Variants in ABHD2 observed in about 807,000 individuals in gnomAD.
ABHD2 encodes the protein abhydrolase domain containing 2, acylglycerol lipase.
ABHD2 carries 20 observed loss-of-function variants against 48.1 expected under a neutral mutation model. The ratio of observed to expected loss-of-function variants is 0.42; its 90% confidence interval spans 0.29 to 0.60. The LOEUF is 0.60. Among genes scored for constraint, ABHD2 ranks in the 20% least tolerant of loss-of-function variants. The pLI is 0.24. For synonymous variants in ABHD2, 209 were observed against 214.2 expected (o/e 0.98, Z 0.21); for missense variants, 405 against 550.9 (o/e 0.74, Z 2.65).
chr15:89,159,080 A>G, intron 5 of ABHD2, among the ~76,000 whole-genome samples: 1 of 152,088 alleles, frequency 6.6e-6, no homozygotes. Context: ...GTGTCGTTAA[A>G]GAATTACAAT....
chr15:89,052,552 CAG>C, the ABHD2 span, among the ~76,000 whole-genome samples: 320 of 132,898 alleles, frequency 2.4e-3, 2 homozygotes, highest in African/African-American at 7.0e-3. Flanking sequence ...GACAGACAGA[CAG>C]ACAGACACAC....
chr15:89,144,109 G>A (rs2050452686), intron 3 of ABHD2, among the ~76,000 whole-genome samples: 1 of 152,098 alleles, frequency 6.6e-6, no homozygotes, highest in South Asian at 2.1e-4. Context: ...ATTCACAATA[G>A]CCAAAAATTG....
chr15:89,144,307 AT>A (rs1486817641), intron 3 of ABHD2, among the ~76,000 whole-genome samples: 1 of 151,974 alleles, frequency 6.6e-6, no homozygotes, highest in Non-Finnish European at 1.5e-5. Flanking sequence ...CTAATTTTGT[AT>A]TTTTAGTAGG....
rs1396633340 is a variant in ABHD2, at chr15:89,100,980, G to A, written c.-107+12417G>A. Among the ~76,000 whole-genome samples, 2 of 152,180 alleles carry A rather than the reference G, an allele frequency of 1.3e-5. No homozygotes were observed. The highest frequency in any genetic ancestry group is 4.8e-5 in the African/African-American group (2 of 41,448). On this transcript the variant is annotated intron_variant, in intron 1 of 10. Transcript: ENST00000352732. The surrounding 1 kb of genome is among the most constrained non-coding windows in gnomAD (Gnocchi z 4.4). Reference sequence around the variant, plus strand: ...GGACCAAATAAGCTCATGTCAGTTGGAGAATACCATAGACAATTTTGTTGC... The same window carrying A: ...GGACCAAATAAGCTCATGTCAGTTGAAGAATACCATAGACAATTTTGTTGC...
At position 89,155,331 on chromosome 15, in the gene ABHD2, C is replaced by T. The variant is rs779360983; in HGVS notation, c.371-36C>T. 2.6e-5 allele frequency: 42 copies of T among 1,591,272 alleles called. No individual in the cohort carries two copies. Among genetic ancestry groups the T allele is most frequent in the South Asian group, 4.5e-5 (4 of 89,688 alleles). ...TATGTCCATTTATCATGTCACATTT[C>T]TTGGATACATCAGGATCTCTTTCTC... On this transcript the variant is annotated intron_variant, in intron 4 of 10. Coordinates refer to ENST00000352732, the MANE Select transcript of ABHD2 (RefSeq NM_152924.5). This position sits in a 1 kb window ranked among gnomAD's most constrained non-coding sequence, Gnocchi z 4.9.
intron 6 of ABHD2, among the ~76,000 whole-genome samples, chr15:89,181,538 G>T (rs2051115436): frequency 6.6e-6 from 1 of 151,998 alleles, no homozygotes; most frequent in Non-Finnish European, 1.5e-5. Flanking sequence ...GGGTGTTAAG[G>T]TCATGCTTGC....
chr15:89,097,019 T>C lies in ABHD2; in HGVS notation c.-107+8456T>C, dbSNP rs1460539331. Among the ~76,000 whole-genome samples the C allele has an allele frequency of 6.6e-6, 1 of 152,222 alleles. No individual in the cohort carries two copies. Among genetic ancestry groups the C allele is most frequent in the Non-Finnish European group, 1.5e-5 (1 of 68,050 alleles). On this transcript the variant is annotated intron_variant, in intron 1 of 10. Coordinates refer to ENST00000352732, the MANE Select transcript of ABHD2 (RefSeq NM_152924.5). The surrounding 1 kb of genome is among the most constrained non-coding windows in gnomAD (Gnocchi z 4.2). ...CATCAGCCCAGGGACAGTAGAGGCT[T>C]GATCGCAGCTGAAAGTTGGGGTGAG...
At chr15:89,066,493 A>G in the ABHD2 span, among the ~76,000 whole-genome samples, 2 of 152,146 alleles carry the variant, frequency 1.3e-5, no homozygotes, top group Admixed American at 6.5e-5. Context: ...CATCTGCAAA[A>G]GACCCTATTT....
intron 3 of ABHD2, among the ~76,000 whole-genome samples, chr15:89,149,935 A>G (rs1450125064): frequency 6.6e-6 from 1 of 152,168 alleles, no homozygotes; most frequent in Non-Finnish European, 1.5e-5. Flanking sequence ...GGTGAGAGCA[A>G]GACTAGAGGC....
chr15:89,116,546 A>G lies in ABHD2; in HGVS notation c.194+25A>G, dbSNP rs772786156. ...AGTGAGTAGACCTCATGCCCTCTGT[A>G]TGCTCAGCTGCTGATGTATTTGGCT... is the stretch of plus-strand genomic sequence containing the variant. On this transcript the variant is annotated intron_variant, in intron 3 of 10. Coordinates refer to ENST00000352732, the MANE Select transcript of ABHD2 (RefSeq NM_152924.5). The surrounding 1 kb of genome is among the most constrained non-coding windows in gnomAD (Gnocchi z 4.6). The G allele has an allele frequency of 1.1e-5, 17 of 1,598,218 alleles. No individual in the cohort carries two copies. The highest frequency in any genetic ancestry group is 1.3e-5 in the Non-Finnish European group (15 of 1,171,018).
intron 3 of ABHD2, chr15:89,135,570 C>T (rs1476878060): frequency 3.3e-6 from 5 of 1,502,012 alleles, no homozygotes; most frequent in Non-Finnish European, 4.5e-6. Flanking sequence ...CATCTTCCTC[C>T]TCCTCATTCT....
In ABHD2 at chr15:89,102,068, G is replaced by A. The variant is rs530393683; in HGVS notation, c.-106-11657G>A. On this transcript the variant is annotated intron_variant, in intron 1 of 10. Transcript: ENST00000352732. This position sits in a 1 kb window ranked among gnomAD's most constrained non-coding sequence, Gnocchi z 4.8. Reference sequence around the variant, plus strand: ...AAGCACTGAAGCTTCATTCCATAATGACTCACTGCCACTGCTCCAAAACAC... The same window carrying A: ...AAGCACTGAAGCTTCATTCCATAATAACTCACTGCCACTGCTCCAAAACAC... Among the ~76,000 whole-genome samples, 7 of 152,250 alleles carry A rather than the reference G, an allele frequency of 4.6e-5. No individual in the cohort carries two copies. Among genetic ancestry groups the A allele is most frequent in the African/African-American group, 1.7e-4 (7 of 41,536 alleles).
At chr15:89,158,238 A>G (rs946953253) in intron 5 of ABHD2, among the ~76,000 whole-genome samples, 2 of 152,222 alleles carry the variant, frequency 1.3e-5, no homozygotes, top group African/African-American at 4.8e-5. Flanking sequence ...ACTGAGGCAT[A>G]GAGAGGTTAA....
At chr15:89,126,897 G>T (rs186234018) in intron 3 of ABHD2, among the ~76,000 whole-genome samples, 4 of 152,316 alleles carry the variant, frequency 2.6e-5, no homozygotes, top group Non-Finnish European at 4.4e-5. Context: ...TTATTAGATG[G>T]TGTAATGTTT....
At chr15:89,135,146 T>TTCTTC (rs1479265874) in intron 3 of ABHD2, among the ~76,000 whole-genome samples, 1 of 140,674 alleles carries the variant, frequency 7.1e-6, no homozygotes. Flanking sequence ...ACTTTTTCTT[T>TTCTTC]TTTTTTTTTT....
At position 89,196,759 on chromosome 15, in the gene ABHD2, TTTTAA is replaced by T. The variant is rs2051410256; in HGVS notation, c.*1343_*1347del. On this transcript the variant is annotated 3_prime_UTR_variant, in exon 11 of 11. Coordinates refer to ENST00000352732, the MANE Select transcript of ABHD2 (RefSeq NM_152924.5). ...AGTGGGTATTATTTTGAAACCAGAT[TTTTAA>T]TTTAATAGCCTATATTTGTAGTCTG... The T allele has an allele frequency of 6.6e-6, 1 of 152,542 alleles. No homozygotes were observed. 9.4% of individuals were successfully genotyped at this position (152,542 alleles called of 1,614,324 possible).
the ABHD2 span, among the ~76,000 whole-genome samples, chr15:89,043,992 T>C: frequency 3.9e-5 from 6 of 151,990 alleles, no homozygotes; most frequent in South Asian, 2.1e-4. Flanking sequence ...CATGCTGGTG[T>C]GCTGCACCCA....
Position 89,185,608 on chromosome 15 carries a change from G to A in ABHD2, c.815+92G>A. The A allele has an allele frequency of 8.9e-7, 1 of 1,118,916 alleles. No individual in the cohort carries two copies. The highest frequency in any genetic ancestry group is 1.6e-5 in the African/African-American group (1 of 62,692). 69.3% of individuals were successfully genotyped at this position (1,118,916 alleles called of 1,614,324 possible). On this transcript the variant is annotated intron_variant, in intron 7 of 10. Coordinates refer to ENST00000352732, the MANE Select transcript of ABHD2 (RefSeq NM_152924.5). This position sits in a 1 kb window ranked among gnomAD's most constrained non-coding sequence, Gnocchi z 5.9. ...AAAAGCCAGGACTCCTGTTCCTTCA[G>A]GGGAAAAAAAAAAATGCAGGTGTGG...
chr15:89,062,290 C>A, the ABHD2 span, among the ~76,000 whole-genome samples: 1 of 151,594 alleles, frequency 6.6e-6, no homozygotes, highest in Non-Finnish European at 1.5e-5. Context: ...GTTGTTCGGG[C>A]ATTCGGGCAG....
Sources: gnomAD v4.1 joint callset for allele counts (sites outside exome capture counted in the v4.1 genomes callset) on GRCh38, gnomAD v4.1.1 for gene constraint, Gnocchi (gnomAD v3.1) non-coding constraint, MANE v1.5 for transcripts, NCBI Gene and HGNC (gene_info 2026-07-23, HGNC 2026-07-21) for gene names.